The following ANAPC10 variants were observed in gnomAD, a reference collection of about 807,000 sequenced individuals.
ANAPC10 encodes anaphase promoting complex subunit 10.
ANAPC10 carries 12 observed loss-of-function variants against 22.0 expected under a neutral mutation model. The observed-to-expected ratio is 0.55, with a 90% confidence interval of 0.35 to 0.88. ANAPC10 has a LOEUF of 0.88. Ranked by LOEUF, ANAPC10 falls within the 40% of genes least tolerant of loss-of-function variation. The probability of loss-of-function intolerance (pLI) is 0.01; values close to 1 mark genes in which losing one functional copy is unlikely to be tolerated. For missense variants in ANAPC10, 188 were observed against 220.9 expected (o/e 0.85, Z 0.94); for synonymous variants, 65 against 69.5 (o/e 0.94, Z 0.32).
intron 4 of ANAPC10, among the ~76,000 whole-genome samples, chr4:145,046,630 G>A (rs1740335899): frequency 6.6e-6 from 1 of 152,054 alleles, no homozygotes; most frequent in Admixed American, 6.6e-5. Context: ...TAATGCCACT[G>A]ATGCTGTAGT....
intron 4 of ANAPC10, among the ~76,000 whole-genome samples, chr4:145,007,007 G>C (rs1733472997): frequency 6.6e-6 from 1 of 152,176 alleles, no homozygotes; most frequent in East Asian, 1.9e-4. Flanking sequence ...ATATGCTGAA[G>C]ATATAAAAAT....
intron 4 of ANAPC10, among the ~76,000 whole-genome samples, chr4:145,053,112 C>A (rs974867704): frequency 6.6e-6 from 1 of 151,906 alleles, no homozygotes; most frequent in Non-Finnish European, 1.5e-5. Context: ...GAGGGACTTG[C>A]CCTTATGTTT....
intron 4 of ANAPC10, among the ~76,000 whole-genome samples, chr4:145,018,855 G>A (rs982631889): frequency 1.4e-4 from 21 of 152,034 alleles, no homozygotes; most frequent in African/African-American, 5.1e-4. Context: ...GACAAAGAGG[G>A]ACATTAAATA....
rs185150085 is a variant in ANAPC10 at position 145,013,915 on chromosome 4, A to C, written c.328-18312T>G. ...AGTGAAATACAGGGGTAGAGAAAGCAGTGGAAAAGGCCCTGGGAGCTTGCT... is the reference window on the plus strand; with the variant it reads ...AGTGAAATACAGGGGTAGAGAAAGCCGTGGAAAAGGCCCTGGGAGCTTGCT... On this transcript the variant is annotated intron_variant, in intron 4 of 4. Transcript: ENST00000507656. 2.3e-3 allele frequency among the ~76,000 whole-genome samples: 350 copies of C among 152,248 alleles called. 2 individuals carry two copies. Among genetic ancestry groups the C allele is most frequent in the Non-Finnish European group, 3.9e-3 (263 of 68,028 alleles).
At chr4:145,017,127 T>C (rs1735290685) in intron 4 of ANAPC10, among the ~76,000 whole-genome samples, 1 of 152,188 alleles carries the variant, frequency 6.6e-6, no homozygotes, top group Non-Finnish European at 1.5e-5. Flanking sequence ...AAATGGGATC[T>C]AATTAAACTA....
intron 4 of ANAPC10, among the ~76,000 whole-genome samples, chr4:145,017,768 C>A (rs1367201325): frequency 6.6e-6 from 1 of 152,042 alleles, no homozygotes; most frequent in Non-Finnish European, 1.5e-5. Flanking sequence ...CACATACACA[C>A]CATGGAATAC....
At chr4:145,078,538 T>C (rs923034637) in intron 3 of ANAPC10, among the ~76,000 whole-genome samples, 2 of 152,156 alleles carry the variant, frequency 1.3e-5, no homozygotes, top group Non-Finnish European at 2.9e-5. Flanking sequence ...AATATTCATA[T>C]GGAACCAAAA....
intron 3 of ANAPC10, among the ~76,000 whole-genome samples, chr4:145,075,078 C>T (rs1351221199): frequency 6.6e-6 from 1 of 152,002 alleles, no homozygotes; most frequent in African/African-American, 2.4e-5. Flanking sequence ...TCAGTGTTAG[C>T]AGGGGAAGCC....
At chr4:145,027,802 A>T (rs1209792147) in intron 4 of ANAPC10, among the ~76,000 whole-genome samples, 1 of 152,230 alleles carries the variant, frequency 6.6e-6, no homozygotes, top group African/African-American at 2.4e-5. Flanking sequence ...TAAAGTTTTC[A>T]GTCATGCAAG....
Position 144,995,500 on chromosome 4 carries a change from T to C in ANAPC10, c.431A>G (p.Asn144Ser), listed in dbSNP as rs1731474930. Reference sequence around the variant, plus strand: ...ATGGGTGTCTCTTCCATTCTGGTGATTGGCTAGAACAGCAATCTGTATCAT... The same window carrying C: ...ATGGGTGTCTCTTCCATTCTGGTGACTGGCTAGAACAGCAATCTGTATCAT... The part of the protein sequence containing the change: ...TFMIQIAVLA[N>S]HQNGRDTHMR... Residue 144 changes from asparagine (N) to serine (S), a missense_variant, in exon 5 of 5, where the codon AAT (asparagine) becomes AGT (serine). Physicochemically the swap from Asn to Ser is conservative, Grantham distance 46. Coordinates refer to ENST00000507656, the MANE Select transcript of ANAPC10 (RefSeq NM_001256706.2). 6.2e-7 allele frequency: 1 copy of C among 1,613,892 alleles called. No individual in the cohort carries two copies. The highest frequency in any genetic ancestry group is 2.2e-5 in the East Asian group (1 of 44,836).
chr4:145,004,375 T>A (rs1489616494), intron 4 of ANAPC10, among the ~76,000 whole-genome samples: 1 of 152,202 alleles, frequency 6.6e-6, no homozygotes, highest in Non-Finnish European at 1.5e-5. Flanking sequence ...CTTCCAGGAC[T>A]ATGCTGAATA....
In ANAPC10 at chr4:145,081,668, G is replaced by C; in HGVS notation, c.198C>G (p.Ile66Met). 6.2e-7 allele frequency: 1 copy of C among 1,607,456 alleles called. No homozygotes were observed. Among genetic ancestry groups the C allele is most frequent in the East Asian group, 2.2e-5 (1 of 44,678 alleles). ...GAAAATGTATTAATTACCTGAATTG[G>C]ATGTTCACTAAATGAGGCTGGGAAC... ...SDGSQPHLVN[I>M]QFRRKTTVKT... The change falls in exon 3 of 5, where the codon ATC becomes ATG. Residue 66 changes from isoleucine (I) to methionine (M), a missense_variant. Ile to Met is a conservative substitution (Grantham distance 10). Coordinates refer to ENST00000507656, the MANE Select transcript of ANAPC10 (RefSeq NM_001256706.2).
At chr4:145,007,232 G>A (rs891312486) in intron 4 of ANAPC10, among the ~76,000 whole-genome samples, 25 of 152,120 alleles carry the variant, frequency 1.6e-4, no homozygotes, top group Admixed American at 5.9e-4. Flanking sequence ...ACACATCTAC[G>A]AGACAGAAGG....
intron 4 of ANAPC10, among the ~76,000 whole-genome samples, chr4:145,038,582 T>C (rs900824520): frequency 1.3e-5 from 2 of 152,060 alleles, no homozygotes; most frequent in African/African-American, 4.8e-5. Flanking sequence ...CCCAGCATTT[T>C]GGGAGGCCAA....
chr4:144,995,567 C>G lies in ANAPC10; in HGVS notation c.364G>C (p.Val122Leu). 1.2e-6 allele frequency: 2 copies of G among 1,612,980 alleles called. No individual in the cohort carries two copies. The highest frequency in any genetic ancestry group is 1.7e-5 in the Admixed American group (1 of 59,766). Residue 122 changes from valine to leucine, a missense_variant, in exon 5 of 5, where the codon GTT becomes CTT. Physicochemically the swap from Val to Leu is conservative, Grantham distance 32. Coordinates refer to ENST00000507656, the MANE Select transcript of ANAPC10 (RefSeq NM_001256706.2). ...TTCTTATGATTGTCAGTTAAGGGAA[C>G]ATGAATCCAGCCACTTGGTTCCACC... ...ELVEPSGWIH[V>L]PLTDNHKKPT...
At chr4:145,021,747 G>A (rs1560833610) in intron 4 of ANAPC10, among the ~76,000 whole-genome samples, 1 of 152,096 alleles carries the variant, frequency 6.6e-6, no homozygotes, top group Admixed American at 6.6e-5. Context: ...CCCAGAGTGG[G>A]AGAAAATCTT....
intron 4 of ANAPC10, among the ~76,000 whole-genome samples, chr4:145,032,010 C>T (rs1422985938): frequency 1.3e-5 from 2 of 152,132 alleles, no homozygotes; most frequent in Admixed American, 1.3e-4. Flanking sequence ...CCGGAAGGCA[C>T]AAGTTACATG....
chr4:145,069,963 T>C (rs936308739), intron 3 of ANAPC10, among the ~76,000 whole-genome samples: 1 of 152,232 alleles, frequency 6.6e-6, no homozygotes, highest in African/African-American at 2.4e-5. Context: ...ATTTATGTTG[T>C]TAACACATAA....
intron 2 of ANAPC10, among the ~76,000 whole-genome samples, chr4:145,088,369 C>T: frequency 6.6e-6 from 1 of 152,164 alleles, no homozygotes. Context: ...CCTCTACAGT[C>T]AATTGCTTAC....
Sources: gnomAD v4.1 joint callset for allele counts (sites outside exome capture counted in the v4.1 genomes callset) on GRCh38, gnomAD v4.1.1 for gene constraint, MANE v1.5 for transcripts, NCBI Gene and HGNC (gene_info 2026-07-23, HGNC 2026-07-21) for gene names.